MAPK9: variants seen among roughly 807,000 people sequenced by gnomAD.
MAPK9 encodes the protein mitogen-activated protein kinase 9.
MAPK9 carries 30 observed loss-of-function variants against 57.1 expected under a neutral mutation model. The observed-to-expected ratio is 0.53, with a 90% confidence interval of 0.39 to 0.71. The LOEUF is 0.71. Ranked by LOEUF, MAPK9 falls within the 30% of genes least tolerant of loss-of-function variation. The pLI, the probability that MAPK9 is intolerant of heterozygous loss-of-function variation, is 0.00. For missense variants in MAPK9, 362 were observed against 521.0 expected (o/e 0.69, Z 2.97); for synonymous variants, 155 against 177.0 (o/e 0.88, Z 0.99).
At chr5:180,261,516 C>T (rs989456058) in intron 5 of MAPK9, among the ~76,000 whole-genome samples, 168 bp downstream of exon 5, 7 of 152,208 alleles carry the variant, frequency 4.6e-5, no homozygotes, top group South Asian at 2.1e-4. Flanking sequence ...GCAGGCCAGG[C>T]GGCTCCACAG....
intron 4 of MAPK9, among the ~76,000 whole-genome samples, chr5:180,262,760 C>T (rs1249317766): frequency 1.3e-5 from 2 of 152,054 alleles, no homozygotes; most frequent in Non-Finnish European, 2.9e-5. Flanking sequence ...TTCTTAATCC[C>T]ACTTGGATCA....
intron 11 of MAPK9, 60 bp downstream of exon 11, chr5:180,238,269 CAAA>C: frequency 1.9e-6 from 2 of 1,077,602 alleles, no homozygotes; most frequent in Non-Finnish European, 2.6e-6. Flanking sequence ...AACTCTGTCT[CAAA>C]AAAAAAAAGT....
At chr5:180,267,519 G>C (rs562855310) in intron 3 of MAPK9, among the ~76,000 whole-genome samples, 3 of 142,912 alleles carry the variant, frequency 2.1e-5, no homozygotes, top group African/African-American at 5.3e-5. Flanking sequence ...CTGAGATCGC[G>C]CCACTGCCCT....
rs1757072158 is a variant in MAPK9 at position 180,234,864 on chromosome 5, A to G, written c.*1520T>C. ...GTGCAGAGAGAGCCATATATTTTAC[A>G]TAATATTTATAATAAACTTTCTTAT... is the stretch of plus-strand genomic sequence containing the variant. On this transcript the variant is annotated 3_prime_UTR_variant, in exon 12 of 12. Coordinates refer to ENST00000452135, the MANE Select transcript of MAPK9 (RefSeq NM_002752.5). The G allele has an allele frequency of 1.3e-5, 2 of 152,210 alleles. No homozygotes were observed. The allele number at this position is 152,210 out of a possible 1,614,324, so 9.4% of individuals were successfully genotyped here. A position where few individuals can be genotyped will look rare whatever the true frequency, so the allele number is the denominator to read the frequency against.
At chr5:180,264,682 T>C in intron 4 of MAPK9, 99 bp downstream of exon 4, 1 of 1,124,110 alleles carries the variant, frequency 8.9e-7, no homozygotes, top group Non-Finnish European at 1.2e-6. Context: ...ACAAAATGTA[T>C]TGCCACCTAC....
chr5:180,247,340 T>G lies in MAPK9; in HGVS notation c.688+99A>C. On this transcript the variant is annotated intron_variant, in intron 7 of 11. Coordinates refer to ENST00000452135, the MANE Select transcript of MAPK9 (RefSeq NM_002752.5). This position sits in a 1 kb window ranked among gnomAD's most constrained non-coding sequence, Gnocchi z 4.5. ...CCTTAGAACACAGTCTGGAGTGGAT[T>G]TTACGACTTTGTCCTCGTGAGCGCT... The G allele has an allele frequency of 7.1e-7, 1 of 1,398,942 alleles. No homozygotes were observed. Among genetic ancestry groups the G allele is most frequent in the Non-Finnish European group, 1.0e-6 (1 of 987,888 alleles). The allele number at this position is 1,398,942 out of a possible 1,614,324, so 86.7% of individuals were successfully genotyped here. A position where few individuals can be genotyped will look rare whatever the true frequency, so the allele number is the denominator to read the frequency against.
At chr5:180,288,954 T>C (rs1427791499) in intron 1 of MAPK9, among the ~76,000 whole-genome samples, 3 of 152,254 alleles carry the variant, frequency 2.0e-5, no homozygotes, top group African/African-American at 4.8e-5. Flanking sequence ...AAAAGAATGA[T>C]GTTGAAACTG....
chr5:180,266,478 C>A (rs897707464), intron 3 of MAPK9, among the ~76,000 whole-genome samples: 13 of 152,022 alleles, frequency 8.6e-5, no homozygotes, highest in Non-Finnish European at 1.3e-4. Context: ...CTACGCCCAG[C>A]TAATTTTTGT....
intron 4 of MAPK9, among the ~76,000 whole-genome samples, chr5:180,263,756 A>C (rs754980329): frequency 1.2e-4 from 16 of 135,592 alleles, no homozygotes; most frequent in Non-Finnish European, 2.1e-4. Flanking sequence ...CCCTGGCTGG[A>C]GTGCAGTGGT....
chr5:180,273,617 T>C (rs1040227063), intron 2 of MAPK9, among the ~76,000 whole-genome samples: 1 of 152,278 alleles, frequency 6.6e-6, no homozygotes, highest in Non-Finnish European at 1.5e-5. Context: ...CAAATAGCTT[T>C]ACTGGCTTGC....
intron 9 of MAPK9, among the ~76,000 whole-genome samples, chr5:180,240,333 GT>G (rs1436149315): frequency 6.6e-6 from 1 of 152,206 alleles, no homozygotes; most frequent in African/African-American, 2.4e-5. Flanking sequence ...GGAAGGTACT[GT>G]TGTTTCTTAG....
At chr5:180,265,066 T>C (rs1159306754) in intron 3 of MAPK9, among the ~76,000 whole-genome samples, 2 of 152,170 alleles carry the variant, frequency 1.3e-5, no homozygotes, top group African/African-American at 4.8e-5. Flanking sequence ...AGTAACTTAA[T>C]TATTACAGAA....
At chr5:180,252,565 G>C (rs1758826145) in intron 5 of MAPK9, among the ~76,000 whole-genome samples, 1 of 152,170 alleles carries the variant, frequency 6.6e-6, no homozygotes, top group Non-Finnish European at 1.5e-5. Context: ...CTTGGGGGCA[G>C]TTTCAGGTTT....
At chr5:180,248,073 T>C (rs763535122) in intron 6 of MAPK9, 55 of 665,852 alleles carry the variant, frequency 8.3e-5, no homozygotes, top group Admixed American at 5.6e-4. Context: ...GAGCGATCAT[T>C]TTCTAGACTG....
At chr5:180,265,221 T>C (rs1449507197) in intron 3 of MAPK9, among the ~76,000 whole-genome samples, 1 of 152,232 alleles carries the variant, frequency 6.6e-6, no homozygotes, top group East Asian at 1.9e-4. Flanking sequence ...GCTCTTGTTT[T>C]TGGTGTGATA....
intron 1 of MAPK9, among the ~76,000 whole-genome samples, chr5:180,288,957 T>C (rs1414492715): frequency 1.3e-5 from 2 of 152,238 alleles, no homozygotes; most frequent in Non-Finnish European, 2.9e-5. Context: ...AGAATGATGT[T>C]GAAACTGGTT....
At chr5:180,245,584 G>A (rs1332959990) in intron 7 of MAPK9, among the ~76,000 whole-genome samples, 2 of 152,138 alleles carry the variant, frequency 1.3e-5, no homozygotes, top group Non-Finnish European at 2.9e-5. Flanking sequence ...TGAGAGGGAC[G>A]GGGGAAGGGG....
intron 5 of MAPK9, among the ~76,000 whole-genome samples, chr5:180,259,745 A>C (rs1311683713): frequency 6.6e-6 from 1 of 152,202 alleles, no homozygotes; most frequent in Non-Finnish European, 1.5e-5. Context: ...TCAGACTTGC[A>C]ATGTGGTGAA....
At chr5:180,283,461 A>G (rs1214063399) in intron 1 of MAPK9, among the ~76,000 whole-genome samples, 1 of 152,200 alleles carries the variant, frequency 6.6e-6, no homozygotes, top group African/African-American at 2.4e-5. Context: ...CCCCCCATTC[A>G]GGACCCCGTG....
Sources: allele counts gnomAD v4.1 joint callset (sites outside exome capture counted in the v4.1 genomes callset), GRCh38; gene constraint gnomAD v4.1.1; non-coding constraint Gnocchi (gnomAD v3.1); transcripts MANE v1.5; gene names NCBI Gene and HGNC (gene_info 2026-07-23, HGNC 2026-07-21).